The following CTDNEP1 variants were observed in gnomAD, a reference collection of about 807,000 sequenced individuals.
The protein encoded by CTDNEP1 is C-terminal domain nuclear envelope phosphatase 1.
In CTDNEP1, 3 loss-of-function variants were observed where a neutral mutation model predicts 30.1. The observed-to-expected ratio is 0.10, with a 90% CI of 0.05 to 0.26. The LOEUF is 0.26. Ranked by LOEUF, CTDNEP1 falls within the 10% of genes least tolerant of loss-of-function variation. The pLI is 1.00. For synonymous variants in CTDNEP1, 123 were observed against 118.8 expected (o/e 1.04, Z -0.23); for missense variants, 158 against 310.4 (o/e 0.51, Z 3.69).
intron 6 of CTDNEP1, 75 bp from the exon 7 acceptor site, chr17:7,244,710 G>A (rs2071815211): frequency 8.6e-7 from 1 of 1,161,546 alleles, no homozygotes; most frequent in African/African-American, 1.6e-5. Context: ...TTGGAGGGAA[G>A]GAGGAATTAT....
chr17:7,247,211 G>T (rs1201177029), intron 2 of CTDNEP1, 29 bp from the exon 3 acceptor site: 1 of 1,609,888 alleles, frequency 6.2e-7, no homozygotes, highest in South Asian at 1.1e-5. Context: ...GAATAATATT[G>T]ACCGACCTCT....
intron 6 of CTDNEP1, among the ~76,000 whole-genome samples, chr17:7,245,398 A>C (rs2071822434): frequency 6.6e-6 from 1 of 152,064 alleles, no homozygotes; most frequent in Non-Finnish European, 1.5e-5. Flanking sequence ...TGGGAGATCG[A>C]GGCTGCAGTG....
At chr17:7,248,352 C>CT (rs1167534124) in intron 1 of CTDNEP1, among the ~76,000 whole-genome samples, 4 of 133,146 alleles carry the variant, frequency 3.0e-5, no homozygotes, top group Admixed American at 7.2e-5. Flanking sequence ...AACGTGCCCT[C>CT]TTTTTTTTTC....
chr17:7,249,461 G>C (rs913870597), intron 1 of CTDNEP1, among the ~76,000 whole-genome samples: 1 of 152,228 alleles, frequency 6.6e-6, no homozygotes, highest in African/African-American at 2.4e-5. Flanking sequence ...AAAGAAACCA[G>C]ATTGGAAGGG....
chr17:7,251,201 G>A lies in CTDNEP1; in HGVS notation c.96C>T (p.Ile32=). 6.3e-7 allele frequency: 1 copy of A among 1,599,316 alleles called. No individual in the cohort carries two copies. Among genetic ancestry groups the A allele is most frequent in the South Asian group, 1.1e-5 (1 of 88,300 alleles). The change falls in exon 1 of 8, where the codon ATC becomes ATT. Residue 32 remains isoleucine (I), a synonymous_variant. Coordinates refer to ENST00000574322, the MANE Select transcript of CTDNEP1 (RefSeq NM_001143775.2). ...AGCGCCCACCCTGGCTCACCGTGCG[G>A]ATCTGCCTCCGCAGAAGGTAAATGA... The part of the protein sequence containing the change: ...SFFIYLLRRQ[I]RTVIQYQTVR...
intron 6 of CTDNEP1, 52 bp from the exon 7 acceptor site, chr17:7,244,687 T>A: frequency 7.5e-7 from 1 of 1,339,224 alleles, no homozygotes; most frequent in Non-Finnish European, 1.0e-6. Flanking sequence ...AGAGAGACGG[T>A]GTTTTTCTCT....
In CTDNEP1 at chr17:7,247,188, C is replaced by T. The variant is rs756584777; in HGVS notation, c.170-6G>A. 5 of 1,612,480 alleles carry T rather than the reference C, an allele frequency of 3.1e-6. No homozygotes were observed. Among genetic ancestry groups the T allele is most frequent in the African/African-American group, 1.3e-5 (1 of 74,994 alleles). ...GATCTTCCTCTTCACCTGGGCTGAA[C>T]CAGAGTGGGGAGGAATAATATTGAC... is the stretch of plus-strand genomic sequence containing the variant. On this transcript the variant is annotated splice_polypyrimidine_tract_variant and splice_region_variant and intron_variant, in intron 2 of 7. Coordinates refer to ENST00000574322, the MANE Select transcript of CTDNEP1 (RefSeq NM_001143775.2).
intron 1 of CTDNEP1, among the ~76,000 whole-genome samples, chr17:7,249,063 C>A (rs1183677096): frequency 6.6e-6 from 1 of 152,108 alleles, no homozygotes; most frequent in Non-Finnish European, 1.5e-5. Flanking sequence ...CTGGAGGAGG[C>A]CAGAGTGAAG....
chr17:7,246,580 A>G lies in CTDNEP1; in HGVS notation c.361-210T>C. On this transcript the variant is annotated intron_variant, in intron 4 of 7. Coordinates refer to ENST00000574322, the MANE Select transcript of CTDNEP1 (RefSeq NM_001143775.2). This position sits in a 1 kb window ranked among gnomAD's most constrained non-coding sequence, Gnocchi z 4.9. Reference sequence around the variant, plus strand: ...TCTTATGATTCAGAAATGCAAGAACAAAAGAGAAAGATGCCAGCGGAAAAG... The same window carrying G: ...TCTTATGATTCAGAAATGCAAGAACGAAAGAGAAAGATGCCAGCGGAAAAG... The G allele has an allele frequency of 3.1e-6, 2 of 652,496 alleles. No individual in the cohort carries two copies. The highest frequency in any genetic ancestry group is 5.1e-5 in the East Asian group (2 of 38,884). 40.4% of individuals were successfully genotyped at this position (652,496 alleles called of 1,614,324 possible).
chr17:7,246,241 G>A lies in CTDNEP1; in HGVS notation c.477+13C>T, dbSNP rs2071835716. On this transcript the variant is annotated intron_variant, in intron 5 of 7. Transcript: ENST00000574322. This position sits in a 1 kb window ranked among gnomAD's most constrained non-coding sequence, Gnocchi z 4.9. Reference sequence around the variant, plus strand: ...CTCCCAAGCCACACTCTTAGACTGGGATTCTAGCTTACCTGTCTGTAATAT... The same window carrying A: ...CTCCCAAGCCACACTCTTAGACTGGAATTCTAGCTTACCTGTCTGTAATAT... 1.1e-5 allele frequency: 18 copies of A among 1,599,862 alleles called. No individual in the cohort carries two copies. Among genetic ancestry groups the A allele is most frequent in the Non-Finnish European group, 1.5e-5 (18 of 1,167,172 alleles).
intron 1 of CTDNEP1, among the ~76,000 whole-genome samples, chr17:7,250,360 G>A (rs763608134): frequency 6.6e-6 from 1 of 152,140 alleles, no homozygotes; most frequent in Non-Finnish European, 1.5e-5. Context: ...TTAGCTGAAG[G>A]ACCTCTGACC....
intron 1 of CTDNEP1, among the ~76,000 whole-genome samples, chr17:7,248,208 C>T (rs2071869011): frequency 7.5e-6 from 1 of 132,704 alleles, no homozygotes; most frequent in African/African-American, 3.0e-5. Flanking sequence ...TTGCAGTGAG[C>T]CGAGATCGCA....
intron 1 of CTDNEP1, among the ~76,000 whole-genome samples, 195 bp from the exon 2 acceptor site, chr17:7,247,538 G>T (rs766302538): frequency 8.7e-5 from 13 of 149,460 alleles, no homozygotes; most frequent in Non-Finnish European, 1.9e-4. Flanking sequence ...GCATGATCTC[G>T]GCTCACTGCA....
At chr17:7,248,306 T>TA (rs2071871156) in intron 1 of CTDNEP1, among the ~76,000 whole-genome samples, 1 of 138,290 alleles carries the variant, frequency 7.2e-6, no homozygotes, top group Non-Finnish European at 1.5e-5. Flanking sequence ...AATGAAGTGA[T>TA]AGAGCCAGGA....
chr17:7,250,300 T>C (rs1000925641), intron 1 of CTDNEP1, among the ~76,000 whole-genome samples: 8 of 152,168 alleles, frequency 5.3e-5, no homozygotes, highest in Non-Finnish European at 1.0e-4. Context: ...CTTCCGAGGA[T>C]TCTCCCTGGT....
chr17:7,244,737 C>T, intron 6 of CTDNEP1, 102 bp from the exon 7 acceptor site: 5 of 872,336 alleles, frequency 5.7e-6, no homozygotes, highest in South Asian at 1.8e-5. Flanking sequence ...AAATATATGC[C>T]TCCCACTACC....
At chr17:7,251,037 T>C (rs1347464277) in intron 1 of CTDNEP1, among the ~76,000 whole-genome samples, 158 bp downstream of exon 1, 2 of 152,112 alleles carry the variant, frequency 1.3e-5, no homozygotes, top group African/African-American at 2.4e-5. Context: ...CTCGCCCCGC[T>C]TAGGGTGCCC....
intron 1 of CTDNEP1, 118 bp from the exon 2 acceptor site, chr17:7,247,461 T>TTTC: frequency 1.3e-6 from 1 of 763,478 alleles, no homozygotes; most frequent in Non-Finnish European, 2.1e-6. Context: ...TTTAGGCTTA[T>TTTC]TTCTTCTTCT....
chr17:7,247,031 G>A (rs2071846967), intron 3 of CTDNEP1, 33 bp downstream of exon 3: 2 of 1,533,842 alleles, frequency 1.3e-6, no homozygotes, highest in African/African-American at 1.4e-5. Context: ...AGGAACAGAT[G>A]GAACCATTTC....
Sources: allele counts gnomAD v4.1 joint callset (sites outside exome capture counted in the v4.1 genomes callset), GRCh38; gene constraint gnomAD v4.1.1; non-coding constraint Gnocchi (gnomAD v3.1); transcripts MANE v1.5; gene names NCBI Gene and HGNC (gene_info 2026-07-23, HGNC 2026-07-21).